LRP1B: variants seen among roughly 807,000 people sequenced by gnomAD.
LRP1B encodes LDL receptor related protein 1B.
In LRP1B, 217 loss-of-function variants were observed where a neutral mutation model predicts 556.6. The observed-to-expected ratio is 0.39, with a 90% CI of 0.35 to 0.44. LRP1B has a LOEUF of 0.44. Among genes scored for constraint, LRP1B ranks in the 20% least tolerant of loss-of-function variants. LRP1B has a pLI of 1.00. For missense variants in LRP1B, 5,053 were observed against 5,620.8 expected (o/e 0.90, Z 3.23); for synonymous variants, 2,047 against 1,865.8 (o/e 1.10, Z -2.50).
intron 20 of LRP1B, among the ~76,000 whole-genome samples, chr2:140,933,755 C>T (rs1024742864): frequency 4.6e-5 from 7 of 152,042 alleles, no homozygotes; most frequent in African/African-American, 1.7e-4. Flanking sequence ...GGCTTCTTTC[C>T]TTCTATTCTT....
At chr2:140,709,741 A>G (rs1686967348) in intron 37 of LRP1B, among the ~76,000 whole-genome samples, 1 of 150,858 alleles carries the variant, frequency 6.6e-6, no homozygotes. Flanking sequence ...TTTTAACTTC[A>G]AACAGAATAT....
At chr2:140,927,368 G>A (rs1456607438) in intron 20 of LRP1B, among the ~76,000 whole-genome samples, 2 of 152,064 alleles carry the variant, frequency 1.3e-5, no homozygotes, top group Non-Finnish European at 2.9e-5. Flanking sequence ...TAATTTTCCT[G>A]CAGTTACGCA....
At chr2:141,018,548 G>A (rs139519528) in intron 12 of LRP1B, among the ~76,000 whole-genome samples, 2 of 152,152 alleles carry the variant, frequency 1.3e-5, no homozygotes, top group East Asian at 3.9e-4. Flanking sequence ...GAACTAGTGG[G>A]CTCTGAATTT....
intron 1 of LRP1B, among the ~76,000 whole-genome samples, chr2:141,929,162 C>T (rs920105): frequency 0.86 from 130,871 of 152,016 alleles, 56,497 homozygotes; most frequent in East Asian, 1. Context: ...TCAAATGCTC[C>T]AGAGACACTC....
chr2:141,086,618 T>TTG (rs10608029), intron 7 of LRP1B, among the ~76,000 whole-genome samples: 813 of 148,178 alleles, frequency 5.5e-3, no homozygotes, highest in South Asian at 7.2e-3. Context: ...AGTATAATAT[T>TTG]TGTGTGTGTG....
At chr2:140,878,215 A>C (rs2105176435) in intron 25 of LRP1B, among the ~76,000 whole-genome samples, 1 of 152,232 alleles carries the variant, frequency 6.6e-6, no homozygotes, top group South Asian at 2.1e-4. Context: ...TTCTGTAATA[A>C]AAGTTCAAAA....
intron 1 of LRP1B, among the ~76,000 whole-genome samples, chr2:141,875,906 C>T (rs1404735619): frequency 6.6e-6 from 1 of 151,738 alleles, no homozygotes; most frequent in Non-Finnish European, 1.5e-5. Context: ...CATTTTTTAC[C>T]TGTGAGAATT....
At chr2:140,653,212 C>T (rs1684751382) in intron 41 of LRP1B, among the ~76,000 whole-genome samples, 1 of 151,830 alleles carries the variant, frequency 6.6e-6, no homozygotes, top group South Asian at 2.1e-4. Context: ...TGATGGAAGA[C>T]AAATTTGAGG....
At chr2:140,247,233 A>C in intron 86 of LRP1B, 71 bp from the exon 87 acceptor site, 1 of 1,033,206 alleles carries the variant, frequency 9.7e-7, no homozygotes, top group Middle Eastern at 2.0e-4. Flanking sequence ...TAATGTAGTA[A>C]CTTTAACCAA....
chr2:141,587,603 C>T (rs1451596583), intron 2 of LRP1B, among the ~76,000 whole-genome samples: 1 of 152,136 alleles, frequency 6.6e-6, no homozygotes. Context: ...CCTTTTGAGA[C>T]AACACACAGC....
At chr2:141,286,953 A>G (rs532159238) in intron 3 of LRP1B, among the ~76,000 whole-genome samples, 11 of 152,172 alleles carry the variant, frequency 7.2e-5, no homozygotes, top group Non-Finnish European at 1.5e-4. Context: ...TAAGAAACTG[A>G]ATTTTGTTTA....
chr2:141,276,661 T>TC (rs1553486483), intron 3 of LRP1B, among the ~76,000 whole-genome samples: 7 of 103,282 alleles, frequency 6.8e-5, no homozygotes, highest in Admixed American at 1.1e-4. Flanking sequence ...TTTCTTTCTT[T>TC]TTTTTTTTTT....
intron 1 of LRP1B, among the ~76,000 whole-genome samples, chr2:142,085,654 C>T (rs181235435): frequency 5.9e-5 from 9 of 152,048 alleles, no homozygotes; most frequent in South Asian, 2.1e-4. Flanking sequence ...TGTCCATCTT[C>T]GTGTGTGTGT....
chr2:140,851,272 A>C (rs1273090552), intron 28 of LRP1B, among the ~76,000 whole-genome samples: 2 of 152,192 alleles, frequency 1.3e-5, no homozygotes, highest in African/African-American at 4.8e-5. Context: ...TTAGAAGAGC[A>C]GATTAAAGCT....
intron 5 of LRP1B, among the ~76,000 whole-genome samples, chr2:141,245,332 T>TC (rs1684027813): frequency 6.6e-6 from 1 of 152,214 alleles, no homozygotes; most frequent in African/African-American, 2.4e-5. Flanking sequence ...ACATATGTTT[T>TC]CTAAATAATT....
chr2:141,616,875 T>A (rs574882116), intron 2 of LRP1B, among the ~76,000 whole-genome samples: 1 of 152,290 alleles, frequency 6.6e-6, no homozygotes, highest in East Asian at 1.9e-4. Context: ...TTAAAGCTCT[T>A]CAATTGTAAC....
At chr2:141,940,560 C>T (rs182753081) in intron 1 of LRP1B, among the ~76,000 whole-genome samples, 2 of 152,218 alleles carry the variant, frequency 1.3e-5, no homozygotes, top group East Asian at 1.9e-4. Context: ...AAAAGAGCTA[C>T]GGGTAAATGT....
intron 41 of LRP1B, among the ~76,000 whole-genome samples, chr2:140,676,303 T>A (rs1446787665): frequency 6.6e-6 from 1 of 152,188 alleles, no homozygotes; most frequent in East Asian, 1.9e-4. Flanking sequence ...ATATTTCTCT[T>A]ATTAATACAG....
At chr2:141,978,988 A>G (rs1701968109) in intron 1 of LRP1B, among the ~76,000 whole-genome samples, 1 of 151,992 alleles carries the variant, frequency 6.6e-6, no homozygotes, top group African/African-American at 2.4e-5. Context: ...ATGAAATTAA[A>G]CAGGTAAGTC....
Sources: allele counts gnomAD v4.1 joint callset (sites outside exome capture counted in the v4.1 genomes callset), GRCh38; gene constraint gnomAD v4.1.1; transcripts MANE v1.5; gene names NCBI Gene and HGNC (gene_info 2026-07-23, HGNC 2026-07-21).